Variants in TSNARE1 observed in about 807,000 individuals in gnomAD.
TSNARE1 encodes the protein t-SNARE domain-containing protein 1.
TSNARE1 carries 49 observed loss-of-function variants against 62.0 expected under a neutral mutation model. The observed-to-expected ratio is 0.79, with a 90% CI of 0.63 to 1.00. The LOEUF (loss-of-function observed/expected upper bound fraction) is 1.00, where lower values mean the gene tolerates loss of function less well. Among genes scored for constraint, TSNARE1 ranks in the 50% least tolerant of loss-of-function variants. TSNARE1 has a pLI of 0.00. For missense variants in TSNARE1, 755 were observed against 700.1 expected, an observed-to-expected ratio of 1.08 and a Z score of -0.88; for synonymous variants, 328 against 294.4, an observed-to-expected ratio of 1.11 and a Z score of -1.17.
At chr8:142,350,611 C>G (rs912344175) in intron 2 of TSNARE1, among the ~76,000 whole-genome samples, 1 of 138,122 alleles carries the variant, frequency 7.2e-6, no homozygotes, top group Non-Finnish European at 1.5e-5. Flanking sequence ...AGGTTCCAGC[C>G]AGGAAAAGAA....
At chr8:142,362,726 G>GGGAC (rs1217299377) in intron 1 of TSNARE1, among the ~76,000 whole-genome samples, 1 of 152,174 alleles carries the variant, frequency 6.6e-6, no homozygotes, top group Non-Finnish European at 1.5e-5. Context: ...AGTTTTGGAG[G>GGGAC]GGACATTCAC....
chr8:142,372,565 C>T (rs746255815), intron 1 of TSNARE1, among the ~76,000 whole-genome samples: 17 of 152,188 alleles, frequency 1.1e-4, no homozygotes, highest in Non-Finnish European at 2.1e-4. Context: ...CCTCACCCCT[C>T]ATGTGAGCAG....
Position 142,319,830 on chromosome 8 carries a change from G to C in TSNARE1, c.894-1196C>G, listed in dbSNP as rs1341073946. 1.3e-5 allele frequency among the ~76,000 whole-genome samples: 2 copies of C among 152,148 alleles called. No individual in the cohort carries two copies. Among genetic ancestry groups the C allele is most frequent in the African/African-American group, 4.8e-5 (2 of 41,438 alleles). Reference sequence around the variant, plus strand: ...GCACCCAGCAGGCTAGAGAGGGTGTGGGCCAAGGAGGGCAAGGAGCCATAA... The same window carrying C: ...GCACCCAGCAGGCTAGAGAGGGTGTCGGCCAAGGAGGGCAAGGAGCCATAA... On this transcript the variant is annotated intron_variant, in intron 6 of 13. Coordinates refer to ENST00000524325, the MANE Select transcript of TSNARE1 (RefSeq NM_145003.5). The surrounding 1 kb of genome is among the most constrained non-coding windows in gnomAD (Gnocchi z 4.9).
At chr8:142,392,704 G>A (rs1837615568) in intron 1 of TSNARE1, among the ~76,000 whole-genome samples, 1 of 152,322 alleles carries the variant, frequency 6.6e-6, no homozygotes, top group African/African-American at 2.4e-5. Context: ...GGAGGCCGAG[G>A]TGGGCGGATC....
chr8:142,230,859 T>C (rs539212832), intron 12 of TSNARE1, among the ~76,000 whole-genome samples: 75 of 150,450 alleles, frequency 5.0e-4, no homozygotes, highest in African/African-American at 1.8e-3. Context: ...TACCCATCAA[T>C]TCATCTATCC....
At chr8:142,271,969 T>C (rs1010482508) in intron 12 of TSNARE1, among the ~76,000 whole-genome samples, 6 of 151,958 alleles carry the variant, frequency 3.9e-5, no homozygotes, top group African/African-American at 1.5e-4. Flanking sequence ...CCACTTGTAT[T>C]CATCCTCCCA....
rs542600583 is a variant in TSNARE1, at chr8:142,294,149, C to G, written c.1290+6337G>C. On this transcript the variant is annotated intron_variant, in intron 10 of 13. Coordinates refer to ENST00000524325, the MANE Select transcript of TSNARE1 (RefSeq NM_145003.5). Reference sequence around the variant, plus strand: ...GACCCCCTGCGGACCTCAGAGGATGCAGAGTGGCCAGAGGGAAGGTGGAGG... The same window carrying G: ...GACCCCCTGCGGACCTCAGAGGATGGAGAGTGGCCAGAGGGAAGGTGGAGG... 2.0e-5 allele frequency among the ~76,000 whole-genome samples: 3 copies of G among 152,140 alleles called. No individual in the cohort carries two copies. In the South Asian group the frequency reaches 6.2e-4, roughly 32 times the overall value.
chr8:142,280,631 C>T (rs963322001), intron 11 of TSNARE1, among the ~76,000 whole-genome samples: 70 of 152,192 alleles, frequency 4.6e-4, no homozygotes, highest in African/African-American at 1.6e-3. Flanking sequence ...GGCATGAGTG[C>T]CCCTCGTGAT....
At chr8:142,252,701 A>G (rs1020383805) in intron 12 of TSNARE1, among the ~76,000 whole-genome samples, 5 of 152,210 alleles carry the variant, frequency 3.3e-5, no homozygotes, top group Non-Finnish European at 2.9e-5. Context: ...TAGCACTGCG[A>G]GGGCCGTTGT....
chr8:142,296,864 C>T (rs955110429), intron 10 of TSNARE1, among the ~76,000 whole-genome samples: 1 of 152,048 alleles, frequency 6.6e-6, no homozygotes, highest in African/African-American at 2.4e-5. Context: ...CAGGCCTGGG[C>T]GGGGGCAAGG....
chr8:142,229,110 A>T (rs965904805), intron 13 of TSNARE1, among the ~76,000 whole-genome samples: 1 of 147,938 alleles, frequency 6.8e-6, no homozygotes, highest in Non-Finnish European at 1.5e-5. Context: ...GGATGGAAGG[A>T]TGGATGGATA....
rs146612954 is a variant in TSNARE1 at position 142,380,496 on chromosome 8, C to G, written c.-40+22608G>C. Among the ~76,000 whole-genome samples, 1,172 of 152,154 alleles carry G rather than the reference C, an allele frequency of 7.7e-3. 24 individuals carry two copies. Among genetic ancestry groups the G allele is most frequent in the South Asian group, 0.072 (346 of 4,808 alleles). ...ACCCTGAGGCAATGTGCCCCTATCA[C>G]GCTGCATCCTGACCCCGCCCCCACC... On this transcript the variant is annotated intron_variant, in intron 1 of 13. Transcript: ENST00000524325.
Position 142,277,848 on chromosome 8 carries a change from G to A in TSNARE1, c.1364-2985C>T, listed in dbSNP as rs577512630. 7.1e-6 allele frequency: 7 copies of A among 985,346 alleles called. No homozygotes were observed. In the African/African-American group the frequency reaches 8.7e-5, roughly 12 times the overall value. The allele number at this position is 985,346 out of a possible 1,614,324, so 61.0% of individuals were successfully genotyped here. A position where few individuals can be genotyped will look rare whatever the true frequency, so the allele number is the denominator to read the frequency against. On this transcript the variant is annotated intron_variant, in intron 11 of 13. Transcript: ENST00000524325. Reference sequence around the variant, plus strand: ...AGTTCCTGCAGCCTCCAGGGCTGAGGACTTGCAGAAAAGGACTAAGCACCT... The same window carrying A: ...AGTTCCTGCAGCCTCCAGGGCTGAGAACTTGCAGAAAAGGACTAAGCACCT...
chr8:142,321,251 A>G (rs540776655), intron 6 of TSNARE1, among the ~76,000 whole-genome samples: 6 of 152,330 alleles, frequency 3.9e-5, no homozygotes, highest in Admixed American at 3.9e-4. Flanking sequence ...CTCCACTTAC[A>G]GCCATGGTAC....
At position 142,254,231 on chromosome 8, in the gene TSNARE1, T is replaced by C. The variant is rs575324888; in HGVS notation, c.1446+20550A>G. On this transcript the variant is annotated intron_variant, in intron 12 of 13. Coordinates refer to ENST00000524325, the MANE Select transcript of TSNARE1 (RefSeq NM_145003.5). The stretch of plus-strand genomic sequence containing the variant: ...AGGCAGGGTACAGCCAACTGAGTTC[T>C]GCTGTGGTTTCCAGGAGTCAGAGGC... 1.4e-3 allele frequency among the ~76,000 whole-genome samples: 220 copies of C among 152,318 alleles called. 1 individual carries two copies. The highest frequency in any genetic ancestry group is 6.8e-3 in the Middle Eastern group (2 of 294).
At chr8:142,262,692 C>A (rs1287490554) in intron 12 of TSNARE1, among the ~76,000 whole-genome samples, 1 of 152,166 alleles carries the variant, frequency 6.6e-6, no homozygotes, top group Non-Finnish European at 1.5e-5. Context: ...ACCTCTCTTG[C>A]TCCTGCTCCA....
chr8:142,361,470 C>G (rs1290533220), intron 1 of TSNARE1, among the ~76,000 whole-genome samples: 1 of 152,206 alleles, frequency 6.6e-6, no homozygotes, highest in Non-Finnish European at 1.5e-5. Flanking sequence ...GCGGCGCTGC[C>G]TCCCAGGAGC....
At chr8:142,267,082 A>G (rs1345815738) in intron 12 of TSNARE1, among the ~76,000 whole-genome samples, 1 of 152,240 alleles carries the variant, frequency 6.6e-6, no homozygotes. Context: ...AATATTTCAC[A>G]GAAATCATAT....
chr8:142,301,755 C>G (rs1018680598), intron 9 of TSNARE1, among the ~76,000 whole-genome samples: 1 of 151,368 alleles, frequency 6.6e-6, no homozygotes, highest in Non-Finnish European at 1.5e-5. Context: ...ACCGGCCTCA[C>G]CAGGAGCACC....
Sources: gnomAD v4.1 joint callset for allele counts (sites outside exome capture counted in the v4.1 genomes callset) on GRCh38, gnomAD v4.1.1 for gene constraint, Gnocchi (gnomAD v3.1) non-coding constraint, MANE v1.5 for transcripts, NCBI Gene and HGNC (gene_info 2026-07-23, HGNC 2026-07-21) for gene names.